MTA3: variants seen among roughly 807,000 people sequenced by gnomAD.
MTA3 encodes metastasis associated 1 family member 3.
A neutral mutation model predicts 83.5 loss-of-function variants in MTA3; 34 were observed. The observed-to-expected ratio is 0.41, with a 90% CI of 0.31 to 0.54. The LOEUF is 0.54. Among genes scored for constraint, MTA3 ranks in the 20% least tolerant of loss-of-function variants. MTA3 has a pLI of 0.33. For missense variants in MTA3, 761 were observed against 726.4 expected (o/e 1.05, Z -0.55); for synonymous variants, 303 against 252.7 (o/e 1.20, Z -1.89).
chr2:42,735,239 T>G (rs1668523372), intron 16 of MTA3, among the ~76,000 whole-genome samples: 1 of 152,206 alleles, frequency 6.6e-6, no homozygotes, highest in South Asian at 2.1e-4. Flanking sequence ...GGATATACTA[T>G]TCTAAGATAA....
rs1050058750 is a variant in MTA3, at chr2:42,707,762, T to A, written c.1151-141T>A. On this transcript the variant is annotated intron_variant, in intron 12 of 16. Transcript: ENST00000405094. ...CTGAGTATTAAAAAAACAAATATAC[T>A]ATTATGTTTGGCTTGTAAGCTGGGA... 48 of 875,814 alleles carry A rather than the reference T, an allele frequency of 5.5e-5. 3 individuals carry two copies. The South Asian group carries it at 1.0e-3, about 19-fold the overall frequency. The allele number at this position is 875,814 out of a possible 1,614,324, so 54.3% of individuals were successfully genotyped here. A position where few individuals can be genotyped will look rare whatever the true frequency, so the allele number is the denominator to read the frequency against.
At chr2:42,613,316 C>T (rs1684450762) in intron 4 of MTA3, among the ~76,000 whole-genome samples, 1 of 152,150 alleles carries the variant, frequency 6.6e-6, no homozygotes. Flanking sequence ...GAGACATAGA[C>T]ATTTGGGGCT....
At chr2:42,689,181 A>T (rs1016616588) in intron 9 of MTA3, among the ~76,000 whole-genome samples, 1 of 152,210 alleles carries the variant, frequency 6.6e-6, no homozygotes, top group Non-Finnish European at 1.5e-5. Flanking sequence ...CTGGCTATCA[A>T]TTCCACTTGG....
intron 2 of MTA3, among the ~76,000 whole-genome samples, chr2:42,560,776 G>A (rs1047395240): frequency 7.9e-5 from 12 of 151,772 alleles, no homozygotes; most frequent in South Asian, 2.1e-4. Flanking sequence ...ATATGGTGGC[G>A]CATGCCTGTA....
At chr2:42,629,124 C>T (rs1356450441) in intron 4 of MTA3, among the ~76,000 whole-genome samples, 1 of 152,050 alleles carries the variant, frequency 6.6e-6, no homozygotes, top group African/African-American at 2.4e-5. Flanking sequence ...CTGTGGCCCA[C>T]GCTGGAGTGC....
At chr2:42,698,489 T>C (rs1239595812) in intron 11 of MTA3, 2 of 152,080 alleles carry the variant, frequency 1.3e-5, no homozygotes, top group African/African-American at 2.4e-5. Context: ...TTAAAAGAAA[T>C]ATAAGGTACT....
At chr2:42,568,794 C>G (rs992639942) in intron 1 of MTA3, 21 bp downstream of exon 1, 10 of 1,215,548 alleles carry the variant, frequency 8.2e-6, no homozygotes, top group Middle Eastern at 2.9e-4. Context: ...TCGGCCCGAC[C>G]CGGCCCGTGT....
At position 42,755,529 on chromosome 2, in the gene MTA3, G is replaced by A. The variant is rs536598870; in HGVS notation, c.*2130G>A. On this transcript the variant is annotated 3_prime_UTR_variant, in exon 17 of 17. Transcript: ENST00000405094. ...TTCCTTCCTCTTGTAAGTAAAGCTC[G>A]TGGTTCTGTAGTCCAGTCATCCTAG... The A allele has an allele frequency of 1.7e-5, 17 of 985,438 alleles. No individual in the cohort carries two copies. The East Asian group carries it at 9.1e-4, about 53-fold the overall frequency. The allele number at this position is 985,438 out of a possible 1,614,324, so 61.0% of individuals were successfully genotyped here.
At chr2:42,633,049 G>T (rs1222789185) in intron 4 of MTA3, among the ~76,000 whole-genome samples, 1 of 151,848 alleles carries the variant, frequency 6.6e-6, no homozygotes, top group Non-Finnish European at 1.5e-5. Flanking sequence ...CGGATCATGA[G>T]GTCAAGAGCT....
chr2:42,508,842 T>C (rs1674764739), intron 2 of MTA3, among the ~76,000 whole-genome samples: 1 of 146,732 alleles, frequency 6.8e-6, no homozygotes, highest in South Asian at 2.1e-4. Context: ...TAATATTAAA[T>C]ATATTAAATT....
At chr2:42,567,015 T>C (rs990563798), upstream of MTA3, among the ~76,000 whole-genome samples, 2 of 152,248 alleles carry the variant, frequency 1.3e-5, no homozygotes, top group Admixed American at 1.3e-4. Context: ...CTGGTAAATG[T>C]TGAATGACAG....
At chr2:42,616,581 T>TTC (rs1224791494) in intron 4 of MTA3, among the ~76,000 whole-genome samples, 1 of 128,094 alleles carries the variant, frequency 7.8e-6, no homozygotes, top group African/African-American at 3.0e-5. Flanking sequence ...TCTTTTTTTT[T>TTC]TTTTTTTTTT....
chr2:42,692,956 A>G (rs893395271), intron 9 of MTA3, among the ~76,000 whole-genome samples: 1 of 152,234 alleles, frequency 6.6e-6, no homozygotes. Flanking sequence ...TTGGGCCTCA[A>G]GCCCAATATC....
At chr2:42,693,517 A>G (rs751641471) in intron 9 of MTA3, among the ~76,000 whole-genome samples, 4 of 152,020 alleles carry the variant, frequency 2.6e-5, no homozygotes, top group Admixed American at 6.5e-5. Flanking sequence ...GTGGACACCA[A>G]CACCCAGCCA....
At position 42,540,128 on chromosome 2, in the gene MTA3, G is replaced by A. The variant is rs115452442; in HGVS notation, c.-140-30309G>A. Among the ~76,000 whole-genome samples, 1,427 of 151,882 alleles carry A rather than the reference G, an allele frequency of 9.4e-3. 21 individuals carry two copies. Among genetic ancestry groups the A allele is most frequent in the African/African-American group, 0.032 (1,334 of 41,404 alleles). ...CCAGGAGTTGAGTCAGGTGAAGGAG[G>A]TGGGGGCCCATTACAGCCAATAGTG... On this transcript the variant is annotated intron_variant, in intron 2 of 17. Transcript: ENST00000405592.
chr2:42,628,721 C>T (rs917420622), intron 4 of MTA3, among the ~76,000 whole-genome samples: 1 of 148,980 alleles, frequency 6.7e-6, no homozygotes, highest in Admixed American at 6.7e-5. Context: ...TTTATCTCTT[C>T]TTGTCTCTTT....
At chr2:42,708,660 G>A (rs148645562) in intron 13 of MTA3, among the ~76,000 whole-genome samples, 28 of 152,234 alleles carry the variant, frequency 1.8e-4, no homozygotes, top group Admixed American at 3.3e-4. Context: ...CTGTATAGCA[G>A]TACAGTATTC....
At chr2:42,656,103 A>G (rs924879782) in intron 6 of MTA3, 97 bp from the exon 7 acceptor site, 68 of 915,140 alleles carry the variant, frequency 7.4e-5, no homozygotes, top group Admixed American at 2.0e-5. Flanking sequence ...TACCTTACAC[A>G]TAAACATTTC....
chr2:42,624,223 A>G (rs565584331), intron 4 of MTA3, among the ~76,000 whole-genome samples: 1 of 152,242 alleles, frequency 6.6e-6, no homozygotes, highest in Non-Finnish European at 1.5e-5. Context: ...AAACTGAATT[A>G]CTTTTATAAT....
Sources: allele counts gnomAD v4.1 joint callset (sites outside exome capture counted in the v4.1 genomes callset), GRCh38; gene constraint gnomAD v4.1.1; transcripts MANE v1.5; gene names NCBI Gene and HGNC (gene_info 2026-07-23, HGNC 2026-07-21).